Variants in HS6ST3 observed in about 807,000 individuals in gnomAD.
HS6ST3 encodes heparan-sulfate 6-O-sulfotransferase 3.
A neutral mutation model predicts 36.7 loss-of-function variants in HS6ST3; 12 were observed. That is an observed-to-expected ratio of 0.33 (90% CI 0.21 to 0.53). The LOEUF (loss-of-function observed/expected upper bound fraction) is 0.53, where lower values mean the gene tolerates loss of function less well. Among genes scored for constraint, HS6ST3 ranks in the 20% least tolerant of loss-of-function variants. The probability of loss-of-function intolerance (pLI) is 0.95; values close to 1 mark genes in which losing one functional copy is unlikely to be tolerated. For synonymous variants in HS6ST3, 240 were observed against 257.5 expected, an observed-to-expected ratio of 0.93 and a Z score of 0.65; for missense variants, 584 against 640.9, an observed-to-expected ratio of 0.91 and a Z score of 0.96.
At chr13:96,582,184 G>C (rs2056344444) in intron 1 of HS6ST3, among the ~76,000 whole-genome samples, 1 of 152,164 alleles carries the variant, frequency 6.6e-6, no homozygotes, top group Non-Finnish European at 1.5e-5. Flanking sequence ...GATGTCTGCT[G>C]TCATGATACA....
chr13:96,477,854 C>T (rs1258557625), intron 1 of HS6ST3, among the ~76,000 whole-genome samples: 6 of 151,986 alleles, frequency 3.9e-5, no homozygotes, highest in African/African-American at 4.8e-5. Flanking sequence ...GCCTGGGTGA[C>T]AGAGTGAGAC....
At chr13:96,184,339 A>AT (rs138775030) in intron 1 of HS6ST3, among the ~76,000 whole-genome samples, 3,875 of 151,984 alleles carry the variant, frequency 0.025, 61 homozygotes, top group South Asian at 0.055. Context: ...TGTACTTGGA[A>AT]TTTTTTCCTC....
intron 1 of HS6ST3, among the ~76,000 whole-genome samples, chr13:96,487,264 A>T (rs78701236): frequency 6.6e-6 from 1 of 152,088 alleles, no homozygotes; most frequent in African/African-American, 2.4e-5. Context: ...TAATAGTGCA[A>T]TGTTATTTTT....
chr13:96,310,011 G>A (rs2054932430), intron 1 of HS6ST3, among the ~76,000 whole-genome samples: 1 of 152,060 alleles, frequency 6.6e-6, no homozygotes, highest in Admixed American at 6.6e-5. Context: ...CAAGAAAGAT[G>A]TCCTTGAATT....
chr13:96,191,860 A>G (rs992674937), intron 1 of HS6ST3, among the ~76,000 whole-genome samples: 12 of 152,340 alleles, frequency 7.9e-5, no homozygotes, highest in Admixed American at 7.8e-4. Flanking sequence ...AAGCTAGCTG[A>G]ATTAAGTAAA....
At chr13:96,479,796 T>G (rs1175155385) in intron 1 of HS6ST3, among the ~76,000 whole-genome samples, 2 of 152,208 alleles carry the variant, frequency 1.3e-5, no homozygotes, top group Non-Finnish European at 2.9e-5. Context: ...GTAACTCTTT[T>G]GGGCACTCGT....
In HS6ST3 at chr13:96,744,152, A is replaced by G. The variant is rs114248959; in HGVS notation, c.708-88338A>G. Among the ~76,000 whole-genome samples, 881 of 152,136 alleles carry G rather than the reference A, an allele frequency of 5.8e-3. 11 individuals carry two copies. The highest frequency in any genetic ancestry group is 0.02 in the African/African-American group (825 of 41,532). On this transcript the variant is annotated intron_variant, in intron 1 of 1. Transcript: ENST00000376705. ...ACTCCAAGATATAAGCTACATTATTACTGGAAAACATGTTATAAATGAAAT... is the reference window on the plus strand; with the variant it reads ...ACTCCAAGATATAAGCTACATTATTGCTGGAAAACATGTTATAAATGAAAT...
chr13:96,432,895 C>A (rs1566359659), intron 1 of HS6ST3, among the ~76,000 whole-genome samples: 1 of 152,072 alleles, frequency 6.6e-6, no homozygotes, highest in Non-Finnish European at 1.5e-5. Context: ...CAATTACTGG[C>A]AAATGTATAA....
chr13:96,583,847 A>G (rs1173473932), intron 1 of HS6ST3, among the ~76,000 whole-genome samples: 1 of 152,080 alleles, frequency 6.6e-6, no homozygotes, highest in East Asian at 1.9e-4. Context: ...CCTCTACGCT[A>G]TTGAGATTTT....
Position 96,419,918 on chromosome 13 carries a change from C to T in HS6ST3, c.707+328349C>T, listed in dbSNP as rs190024399. ...TAAATTGATTGCACCTGCAAAGACT[C>T]TATTTCCAAATAAGGCCATATTCAC... is the stretch of plus-strand genomic sequence containing the variant. On this transcript the variant is annotated intron_variant, in intron 1 of 1. Transcript: ENST00000376705. Among the ~76,000 whole-genome samples, 17 of 152,274 alleles carry T rather than the reference C, an allele frequency of 1.1e-4. No homozygotes were observed. The East Asian group carries it at 3.3e-3, about 29-fold the overall frequency.
chr13:96,241,791 T>C (rs1362875105), intron 1 of HS6ST3, among the ~76,000 whole-genome samples: 2 of 148,596 alleles, frequency 1.3e-5, no homozygotes, highest in Non-Finnish European at 3.0e-5. Flanking sequence ...TCTTTCTTTT[T>C]TTTTTTTTTT....
intron 1 of HS6ST3, among the ~76,000 whole-genome samples, chr13:96,381,410 G>GTATCTATCTATC (rs78957056): frequency 3.4e-4 from 47 of 138,680 alleles, no homozygotes; most frequent in African/African-American, 1.0e-3. Context: ...ATGTATCTAT[G>GTATCTATCTATC]TATCTATCTA....
intron 1 of HS6ST3, among the ~76,000 whole-genome samples, chr13:96,123,101 C>T (rs1259639849): frequency 1.3e-5 from 2 of 152,144 alleles, no homozygotes; most frequent in Non-Finnish European, 2.9e-5. Context: ...ATTCTGTCTT[C>T]AACATGCCTT....
In HS6ST3 at chr13:96,155,293, C is replaced by G. The variant is rs543210075; in HGVS notation, c.707+63724C>G. Among the ~76,000 whole-genome samples the G allele has an allele frequency of 2.0e-5, 3 of 152,038 alleles. No homozygotes were observed. The East Asian group carries it at 5.8e-4, about 29-fold the overall frequency. On this transcript the variant is annotated intron_variant, in intron 1 of 1. Transcript: ENST00000376705. ...TGATTCTATTTCCTCTTTCTACATT[C>G]TTTAAATTTTCTTTGCTATAGTTTT...
intron 1 of HS6ST3, among the ~76,000 whole-genome samples, chr13:96,448,272 C>G (rs1219205402): frequency 6.6e-6 from 1 of 152,176 alleles, no homozygotes; most frequent in African/African-American, 2.4e-5. Flanking sequence ...TTATATACAC[C>G]TGCTTAATTG....
chr13:96,718,781 C>T (rs1294103542), intron 1 of HS6ST3, among the ~76,000 whole-genome samples: 1 of 152,150 alleles, frequency 6.6e-6, no homozygotes, highest in Non-Finnish European at 1.5e-5. Context: ...TGAATGAATG[C>T]TTATATCTGG....
chr13:96,465,066 A>G (rs1326205076), intron 1 of HS6ST3, among the ~76,000 whole-genome samples: 1 of 151,946 alleles, frequency 6.6e-6, no homozygotes, highest in Non-Finnish European at 1.5e-5. Context: ...AAGTAGGCAT[A>G]CTCACCATGT....
At position 96,763,997 on chromosome 13, in the gene HS6ST3, A is replaced by G. The variant is rs148304686; in HGVS notation, c.708-68493A>G. 4.4e-3 allele frequency among the ~76,000 whole-genome samples: 664 copies of G among 152,306 alleles called. 3 individuals are homozygous for G. The highest frequency in any genetic ancestry group is 0.014 in the African/African-American group (595 of 41,570). On this transcript the variant is annotated intron_variant, in intron 1 of 1. Coordinates refer to ENST00000376705, the MANE Select transcript of HS6ST3 (RefSeq NM_153456.4). ...AAATAGTAGAAATGAAAATACTACA[A>G]TGGCTTTCTATTATACCCACCAAAT...
At chr13:96,587,960 T>C (rs1323613503) in intron 1 of HS6ST3, among the ~76,000 whole-genome samples, 1 of 152,252 alleles carries the variant, frequency 6.6e-6, no homozygotes. Context: ...AGTATGGAGA[T>C]ATTTTACCTG....
Sources: allele counts gnomAD v4.1 joint callset (sites outside exome capture counted in the v4.1 genomes callset), GRCh38; gene constraint gnomAD v4.1.1; transcripts MANE v1.5; gene names NCBI Gene and HGNC (gene_info 2026-07-23, HGNC 2026-07-21).